GDF7: variants seen among roughly 807,000 people sequenced by gnomAD.
The protein encoded by GDF7 is growth differentiation factor 7.
Under a neutral mutation model 13.4 loss-of-function variants are expected in GDF7, and 12 were observed. That is an observed-to-expected ratio of 0.90 (90% CI 0.57 to 1.45). The LOEUF is 1.45. Ranked by LOEUF, GDF7 falls within the 40% of genes most tolerant of loss-of-function variation. GDF7 has a pLI of 0.00. For synonymous variants in GDF7, 330 were observed against 306.4 expected (o/e 1.08, Z -0.80); for missense variants, 651 against 652.4 (o/e 1.00, Z 0.02).
intron 1 of GDF7, among the ~76,000 whole-genome samples, chr2:20,668,011 G>A (rs1490822583): frequency 2.0e-5 from 3 of 152,262 alleles, no homozygotes; most frequent in African/African-American, 7.2e-5. Context: ...GAGTCACGGC[G>A]AGAGGGACTG....
rs563301908 is a variant in GDF7 at position 20,667,362 on chromosome 2, GGGCGGCGGCGGC to G, written c.138_149del (p.Gly47_Gly50del). The G allele has an allele frequency of 9.5e-4, 767 of 809,240 alleles. 7 individuals carry two copies. The African/African-American group carries it at 0.013, about 13-fold the overall frequency. The allele number at this position is 809,240 out of a possible 1,614,324, so 50.1% of individuals were successfully genotyped here. ...GGGCTGGGCCGGTCCGGAGCCCAGG[GGGCGGCGGCGGC>G]GGCGGCGGCGGCGGGCGGACTCTTG... On this transcript the variant is annotated inframe_deletion, in exon 1 of 2. Transcript: ENST00000272224. The surrounding 1 kb of genome is among the most constrained non-coding windows in gnomAD (Gnocchi z 6.4).
At chr2:20,668,064 G>A (rs1696001361) in intron 1 of GDF7, among the ~76,000 whole-genome samples, 1 of 152,236 alleles carries the variant, frequency 6.6e-6, no homozygotes, top group Non-Finnish European at 1.5e-5. Flanking sequence ...AGCAATTTCT[G>A]CAGCTCCCAG....
In GDF7 at chr2:20,671,478, G is replaced by C; in HGVS notation, c.*53G>C. The C allele has an allele frequency of 6.4e-7, 1 of 1,559,042 alleles. No homozygotes were observed. The highest frequency in any genetic ancestry group is 8.7e-7 in the Non-Finnish European group (1 of 1,150,598). Reference sequence around the variant, plus strand: ...GCGGCCGAGGATCCCCAGCTGATGAGCAGCAGCGGGCCACCCTGTCACCGA... The same window carrying C: ...GCGGCCGAGGATCCCCAGCTGATGACCAGCAGCGGGCCACCCTGTCACCGA... On this transcript the variant is annotated 3_prime_UTR_variant, in exon 2 of 2. Transcript: ENST00000272224.
In GDF7 at chr2:20,670,498, G is replaced by T; in HGVS notation, c.426G>T (p.Leu142=). The T allele has an allele frequency of 1.3e-6, 2 of 1,575,950 alleles. 1 individual carries two copies. The highest frequency in any genetic ancestry group is 2.3e-5 in the South Asian group (2 of 85,720). The stretch of plus-strand genomic sequence containing the variant: ...CAGCCGAAACAGGCCAGAGCTTCCT[G>T]TTCGACGTGTCCAGCCTTAACGACG... ...ESAAETGQSF[L]FDVSSLNDAD... Residue 142 remains leucine (L), a synonymous_variant, in exon 2 of 2, where the codon CTG becomes CTT. Coordinates refer to ENST00000272224, the MANE Select transcript of GDF7 (RefSeq NM_182828.4).
At position 20,667,430 on chromosome 2, in the gene GDF7, CCGCCGCGGTTCCCCGGGCCCG is replaced by C; in HGVS notation, c.199_219del (p.Val67_Ala73del). 9.7e-7 allele frequency: 1 copy of C among 1,028,934 alleles called. No homozygotes were observed. Among genetic ancestry groups the C allele is most frequent in the South Asian group, 4.5e-5 (1 of 22,452 alleles). The allele number at this position is 1,028,934 out of a possible 1,614,324, so 63.7% of individuals were successfully genotyped here. A position where few individuals can be genotyped will look rare whatever the true frequency, so the allele number is the denominator to read the frequency against. ...GCTGCGGGCGCCGCGGCTGTCCCGG[CCGCCGCGGTTCCCCGGGCCCG>C]CGCCGCGCGCCGCGCCGCGGGCTCC... On this transcript the variant is annotated inframe_deletion, in exon 1 of 2. Transcript: ENST00000272224. The surrounding 1 kb of genome is among the most constrained non-coding windows in gnomAD (Gnocchi z 6.4).
chr2:20,668,867 G>A (rs1662033884), intron 1 of GDF7, among the ~76,000 whole-genome samples: 1 of 152,210 alleles, frequency 6.6e-6, no homozygotes, highest in Admixed American at 6.5e-5. Context: ...TGGATGCTGG[G>A]ATACTTATAG....
At position 20,670,466 on chromosome 2, in the gene GDF7, G is replaced by A. The variant is rs200231576; in HGVS notation, c.394G>A (p.Glu132Lys). The A allele has an allele frequency of 8.1e-5, 124 of 1,534,404 alleles. No individual in the cohort carries two copies. Among genetic ancestry groups the A allele is most frequent in the Non-Finnish European group, 8.6e-5 (98 of 1,139,376 alleles). The change falls in exon 2 of 2, where the codon GAA (glutamate) becomes AAA (lysine). Residue 132 changes from glutamate to lysine, a missense_variant and splice_region_variant. Transcript: ENST00000272224. ...TGFTDQATQD[E>K]SAAETGQSFL... Reference sequence around the variant, plus strand: ...CTGTCCCTGCCGGTCCCCCGCAGACGAATCGGCAGCCGAAACAGGCCAGAG... The same window carrying A: ...CTGTCCCTGCCGGTCCCCCGCAGACAAATCGGCAGCCGAAACAGGCCAGAG...
rs1662172131 is a variant in GDF7, at chr2:20,673,749, A to T, written c.*2324A>T. ...CTTCTGATGACCTCCTTCTAACGAG[A>T]TGTGTTGTGAGTGGTGTGGGAAGTA... On this transcript the variant is annotated 3_prime_UTR_variant, in exon 2 of 2. Coordinates refer to ENST00000272224, the MANE Select transcript of GDF7 (RefSeq NM_182828.4). 6.6e-6 allele frequency: 1 copy of T among 152,076 alleles called. No individual in the cohort carries two copies. The highest frequency in any genetic ancestry group is 1.5e-5 in the Non-Finnish European group (1 of 68,030). The allele number at this position is 152,076 out of a possible 1,614,324, so 9.4% of individuals were successfully genotyped here.
rs1662131178 is a variant in GDF7, at chr2:20,671,709, G to A, written c.*284G>A. Reference sequence around the variant, plus strand: ...CCATGGCGCCCACTGCCCCCATTTAGGGAGAGGAAGGTGTTTGTGCTGATG... The same window carrying A: ...CCATGGCGCCCACTGCCCCCATTTAAGGAGAGGAAGGTGTTTGTGCTGATG... On this transcript the variant is annotated 3_prime_UTR_variant, in exon 2 of 2. Coordinates refer to ENST00000272224, the MANE Select transcript of GDF7 (RefSeq NM_182828.4). 1.9e-5 allele frequency: 8 copies of A among 423,762 alleles called. No homozygotes were observed. In the South Asian group the frequency reaches 2.2e-4, roughly 11 times the overall value. 26.3% of individuals were successfully genotyped at this position (423,762 alleles called of 1,614,324 possible). A position where few individuals can be genotyped will look rare whatever the true frequency, so the allele number is the denominator to read the frequency against.
intron 1 of GDF7, among the ~76,000 whole-genome samples, chr2:20,668,217 G>A (rs970940191): frequency 6.6e-6 from 1 of 152,190 alleles, no homozygotes; most frequent in Non-Finnish European, 1.5e-5. Flanking sequence ...GGTCTGGGTG[G>A]TGGTGGTTTG....
chr2:20,671,014 T>A lies in GDF7; in HGVS notation c.942T>A (p.Ile314=), dbSNP rs1434105022. The change falls in exon 2 of 2, where the codon ATT becomes ATA. Residue 314 remains isoleucine, a synonymous_variant. Coordinates refer to ENST00000272224, the MANE Select transcript of GDF7 (RefSeq NM_182828.4). ...GTGTASPRAV[I]GGRRRRRTAL... is the part of the protein sequence containing the mutation. ...GCACCGCGTCGCCAAGGGCAGTCAT[T>A]GGCGGCCGCAGACGGAGGAGGACGG... 1.3e-6 allele frequency: 2 copies of A among 1,539,564 alleles called. No individual in the cohort carries two copies. The highest frequency in any genetic ancestry group is 1.4e-5 in the African/African-American group (1 of 70,050).
chr2:20,671,809 A>C lies in GDF7; in HGVS notation c.*384A>C. On this transcript the variant is annotated 3_prime_UTR_variant, in exon 2 of 2. Coordinates refer to ENST00000272224, the MANE Select transcript of GDF7 (RefSeq NM_182828.4). ...CGAAGTTCCAGAATGGGAGAACCAA[A>C]GGGGTACTCGAGCATGCTTTATCTC... 3.9e-6 allele frequency: 1 copy of C among 256,944 alleles called. No individual in the cohort carries two copies. Among genetic ancestry groups the C allele is most frequent in the South Asian group, 4.6e-5 (1 of 21,836 alleles). The allele number at this position is 256,944 out of a possible 1,614,324, so 15.9% of individuals were successfully genotyped here.
Position 20,671,691 on chromosome 2 carries a change from G to A in GDF7, c.*266G>A, listed in dbSNP as rs1247421959. ...TATTTTGCAAACAGATAACCATGGC[G>A]CCCACTGCCCCCATTTAGGGAGAGG... is the stretch of plus-strand genomic sequence containing the variant. On this transcript the variant is annotated 3_prime_UTR_variant, in exon 2 of 2. Coordinates refer to ENST00000272224, the MANE Select transcript of GDF7 (RefSeq NM_182828.4). 6.4e-6 allele frequency: 3 copies of A among 468,710 alleles called. No individual in the cohort carries two copies. The highest frequency in any genetic ancestry group is 5.9e-5 in the African/African-American group (3 of 50,794). 29.0% of individuals were successfully genotyped at this position (468,710 alleles called of 1,614,324 possible).
chr2:20,670,944 T>C lies in GDF7; in HGVS notation c.872T>C (p.Leu291Pro). The C allele has an allele frequency of 6.4e-7, 1 of 1,568,568 alleles. No homozygotes were observed. The highest frequency in any genetic ancestry group is 8.6e-7 in the Non-Finnish European group (1 of 1,165,866). Reference sequence around the variant, plus strand: ...GAGATCCGCGCCCAGGCCCGCGCGCTCGGGGCCGCTCTGGCCTCAGAGCCG... The same window carrying C: ...GAGATCCGCGCCCAGGCCCGCGCGCCCGGGGCCGCTCTGGCCTCAGAGCCG... The part of the protein sequence containing the change: ...FREIRAQARA[L>P]GAALASEPLP... The change falls in exon 2 of 2, where the codon CTC becomes CCC. Residue 291 changes from leucine to proline, a missense_variant. Transcript: ENST00000272224.
At position 20,671,639 on chromosome 2, in the gene GDF7, G is replaced by A; in HGVS notation, c.*214G>A. 6.9e-6 allele frequency: 4 copies of A among 578,356 alleles called. No individual in the cohort carries two copies. Among genetic ancestry groups the A allele is most frequent in the Non-Finnish European group, 1.2e-5 (4 of 325,316 alleles). The allele number at this position is 578,356 out of a possible 1,614,324, so 35.8% of individuals were successfully genotyped here. ...TGAAAGCCTTGGGAAGAGATGACCTGCCGGTACCGAATGTCAAAGCCCTGT... is the reference window on the plus strand; with the variant it reads ...TGAAAGCCTTGGGAAGAGATGACCTACCGGTACCGAATGTCAAAGCCCTGT... On this transcript the variant is annotated 3_prime_UTR_variant, in exon 2 of 2. Transcript: ENST00000272224.
Position 20,670,645 on chromosome 2 carries a change from G to C in GDF7, c.573G>C (p.Ala191=), listed in dbSNP as rs565716748. The change falls in exon 2 of 2, where the codon GCG becomes GCC. Residue 191 remains alanine, a synonymous_variant. Transcript: ENST00000272224. ...LLSTCPGAAR[A]PRLLYSRAAE... ...CCACGTGCCCGGGCGCCGCCCGAGC[G>C]CCACGCCTGCTGTACTCGCGGGCAG... 42 of 1,551,214 alleles carry C rather than the reference G, an allele frequency of 2.7e-5. No homozygotes were observed. The South Asian group carries it at 4.6e-4, about 17-fold the overall frequency.
chr2:20,670,680 T>C lies in GDF7; in HGVS notation c.608T>C (p.Leu203Pro). Residue 203 changes from leucine (L) to proline (P), a missense_variant, in exon 2 of 2, where the codon CTA becomes CCA. Leu to Pro is a moderately conservative substitution (Grantham distance 98). This residue lies in a region of GDF7 where 487 missense variants were observed against 445.9 expected (regional missense o/e 1.09). Transcript: ENST00000272224. Reference protein sequence around the residue: ...RLLYSRAAEPLVGQRWEAFDV... With the variant: ...RLLYSRAAEPPVGQRWEAFDV... ...CTGTACTCGCGGGCAGCTGAGCCCC[T>C]AGTCGGTCAGCGCTGGGAGGCGTTC... 1 of 1,515,546 alleles carries C rather than the reference T, an allele frequency of 6.6e-7. No homozygotes were observed. The highest frequency in any genetic ancestry group is 8.8e-7 in the Non-Finnish European group (1 of 1,135,848). 93.9% of individuals were successfully genotyped at this position (1,515,546 alleles called of 1,614,324 possible).
Position 20,667,517 on chromosome 2 carries a change from T to A in GDF7, c.278T>A (p.Met93Lys). 1 of 1,404,242 alleles carries A rather than the reference T, an allele frequency of 7.1e-7. No homozygotes were observed. The highest frequency in any genetic ancestry group is 9.2e-7 in the Non-Finnish European group (1 of 1,083,264). The allele number at this position is 1,404,242 out of a possible 1,614,324, so 87.0% of individuals were successfully genotyped here. A position where few individuals can be genotyped will look rare whatever the true frequency, so the allele number is the denominator to read the frequency against. Residue 93 changes from methionine to lysine, a missense_variant, in exon 1 of 2, where the codon ATG becomes AAG. Physicochemically the swap from Met to Lys is moderately conservative, Grantham distance 95. Coordinates refer to ENST00000272224, the MANE Select transcript of GDF7 (RefSeq NM_182828.4). The surrounding 1 kb of genome is among the most constrained non-coding windows in gnomAD (Gnocchi z 6.4). Reference sequence around the variant, plus strand: ...TCGGTGGTGCCGCACCACTTCATGATGTCGCTTTACCGGAGCCTGGCCGGG... The same window carrying A: ...TCGGTGGTGCCGCACCACTTCATGAAGTCGCTTTACCGGAGCCTGGCCGGG... ...NGSVVPHHFMMSLYRSLAGRA... is the reference protein window; with the variant it reads ...NGSVVPHHFMKSLYRSLAGRA...
Position 20,674,160 on chromosome 2 carries a change from G to A in GDF7, c.*2735G>A, listed in dbSNP as rs953194419. Reference sequence around the variant, plus strand: ...AGCTCTCTGTCTTCTAGGTAGCGGGGGACAGGCCTGGGTGACTGGCATGAA... The same window carrying A: ...AGCTCTCTGTCTTCTAGGTAGCGGGAGACAGGCCTGGGTGACTGGCATGAA... On this transcript the variant is annotated 3_prime_UTR_variant, in exon 2 of 2. Coordinates refer to ENST00000272224, the MANE Select transcript of GDF7 (RefSeq NM_182828.4). 2 of 152,198 alleles carry A rather than the reference G, an allele frequency of 1.3e-5. No individual in the cohort carries two copies. The highest frequency in any genetic ancestry group is 2.4e-5 in the African/African-American group (1 of 41,444). 9.4% of individuals were successfully genotyped at this position (152,198 alleles called of 1,614,324 possible).
Sources: allele counts gnomAD v4.1 joint callset (sites outside exome capture counted in the v4.1 genomes callset), GRCh38; gene constraint gnomAD v4.1.1; regional missense constraint gnomAD v4.1.1; non-coding constraint Gnocchi (gnomAD v3.1); transcripts MANE v1.5; gene names NCBI Gene and HGNC (gene_info 2026-07-23, HGNC 2026-07-21).